Variants in CIB4 observed in about 807,000 individuals in gnomAD.
The protein encoded by CIB4 is calcium and integrin-binding family member 4.
Under a neutral mutation model 25.8 loss-of-function variants are expected in CIB4, and 25 were observed. The observed-to-expected ratio is 0.97, with a 90% CI of 0.71 to 1.35. CIB4 has a LOEUF of 1.35. CIB4 is among the 40% of genes most tolerant of loss of function. CIB4 has a pLI of 0.00. For missense variants in CIB4, 235 were observed against 228.2 expected, an observed-to-expected ratio of 1.03 and a Z score of -0.19; for synonymous variants, 75 against 81.4, an observed-to-expected ratio of 0.92 and a Z score of 0.42.
chr2:26,596,287 A>T (rs1190298239), intron 3 of CIB4, among the ~76,000 whole-genome samples: 4 of 152,192 alleles, frequency 2.6e-5, no homozygotes, highest in Non-Finnish European at 5.9e-5. Context: ...CTGCTCCAGG[A>T]TGGAAAAGAA....
chr2:26,585,454 T>C (rs1393218511), intron 4 of CIB4, among the ~76,000 whole-genome samples: 1 of 152,038 alleles, frequency 6.6e-6, no homozygotes, highest in African/African-American at 2.4e-5. Flanking sequence ...ATGTCCGGCC[T>C]TCTCAGCACC....
At position 26,588,994 on chromosome 2, in the gene CIB4, TTCTTC is replaced by T. The variant is rs1558554543; in HGVS notation, c.329-5101_329-5097del. The stretch of plus-strand genomic sequence containing the variant: ...CGCTTCTTCTTTCTTCTTCTTCTTC[TTCTTC>T]TTCTTCTTCTTCTTCTTCTTCTTCT... On this transcript the variant is annotated intron_variant, in intron 4 of 6. Transcript: ENST00000288861. Among the ~76,000 whole-genome samples the T allele has an allele frequency of 1.2e-3, 10 of 8,214 alleles. 1 individual carries two copies. Among genetic ancestry groups the T allele is most frequent in the African/African-American group, 3.6e-3 (10 of 2,786 alleles). The allele number at this position is 8,214 out of a possible 152,430, so 5.4% of individuals were successfully genotyped here.
chr2:26,634,649 G>C (rs111799859), intron 2 of CIB4, among the ~76,000 whole-genome samples: 43 of 152,308 alleles, frequency 2.8e-4, no homozygotes, highest in African/African-American at 9.9e-4. Flanking sequence ...AAGTGGCAGA[G>C]CTGAGCCTCA....
At chr2:26,632,926 G>T (rs979385391) in intron 2 of CIB4, among the ~76,000 whole-genome samples, 8 of 151,438 alleles carry the variant, frequency 5.3e-5, no homozygotes, top group East Asian at 1.9e-4. Context: ...TAATGTTTTG[G>T]TTTTTTTTTA....
chr2:26,622,969 T>C (rs1490458473), intron 3 of CIB4, among the ~76,000 whole-genome samples: 1 of 151,632 alleles, frequency 6.6e-6, no homozygotes, highest in African/African-American at 2.4e-5. Context: ...GGCAACAGAG[T>C]GAGACTCCAT....
intron 3 of CIB4, among the ~76,000 whole-genome samples, chr2:26,628,541 G>A (rs911347452): frequency 6.6e-6 from 1 of 152,228 alleles, no homozygotes; most frequent in Non-Finnish European, 1.5e-5. Flanking sequence ...AAACTGGGAG[G>A]GAATGAGCAT....
At chr2:26,632,768 AAAAAG>A (rs1669447795) in intron 2 of CIB4, among the ~76,000 whole-genome samples, 2 of 151,744 alleles carry the variant, frequency 1.3e-5, no homozygotes, top group African/African-American at 4.9e-5. Flanking sequence ...AAAAAAAAAA[AAAAAG>A]AAAAAGAAAG....
At position 26,596,791 on chromosome 2, in the gene CIB4, G is replaced by C. The variant is rs945076161; in HGVS notation, c.187-1474C>G. Among the ~76,000 whole-genome samples the C allele has an allele frequency of 7.3e-5, 11 of 151,392 alleles. No homozygotes were observed. The South Asian group carries it at 2.3e-3, about 32-fold the overall frequency. ...AAGCTTATACAGTGATTTGTAATTA[G>C]AAGGAAAGTAAGTATGAAAATCTTC... On this transcript the variant is annotated intron_variant, in intron 3 of 6. Transcript: ENST00000288861.
intron 2 of CIB4, among the ~76,000 whole-genome samples, chr2:26,631,403 G>T (rs376195918): frequency 6.6e-6 from 1 of 152,332 alleles, no homozygotes; most frequent in East Asian, 1.9e-4. Flanking sequence ...GATCCCAGGA[G>T]GTTGAGGCTG....
intron 3 of CIB4, among the ~76,000 whole-genome samples, chr2:26,605,065 C>A (rs1208311267): frequency 6.6e-6 from 1 of 151,880 alleles, no homozygotes; most frequent in African/African-American, 2.4e-5. Context: ...GGATTTAAAG[C>A]ATACAGAAAA....
chr2:26,617,898 A>G (rs1298602213), intron 3 of CIB4, among the ~76,000 whole-genome samples: 2 of 152,198 alleles, frequency 1.3e-5, no homozygotes, highest in African/African-American at 4.8e-5. Context: ...TGGACACGGT[A>G]GAAAATCAGA....
intron 3 of CIB4, among the ~76,000 whole-genome samples, chr2:26,596,997 GAACTC>G (rs1482579214): frequency 3.3e-5 from 5 of 152,114 alleles, no homozygotes; most frequent in Admixed American, 3.3e-4. Context: ...ACCAAAAAAT[GAACTC>G]AATTTCATTT....
At chr2:26,613,740 C>T (rs532904878) in intron 3 of CIB4, among the ~76,000 whole-genome samples, 7 of 152,302 alleles carry the variant, frequency 4.6e-5, no homozygotes, top group Admixed American at 1.3e-4. Context: ...GAGTTGTATC[C>T]GGTGCCTGGC....
chr2:26,597,341 T>C (rs949580341), intron 3 of CIB4, among the ~76,000 whole-genome samples: 7 of 151,644 alleles, frequency 4.6e-5, no homozygotes, highest in African/African-American at 1.7e-4. Flanking sequence ...TTTTAATTGG[T>C]GAATGGGGTT....
chr2:26,589,066 C>CTCT (rs1365384371), intron 4 of CIB4, among the ~76,000 whole-genome samples: 37 of 46,348 alleles, frequency 8.0e-4, no homozygotes, highest in African/African-American at 2.2e-3. Flanking sequence ...CTTCCTCTTC[C>CTCT]TCTTCCTCTT....
At chr2:26,620,125 G>A (rs1242109163) in intron 3 of CIB4, among the ~76,000 whole-genome samples, 1 of 146,070 alleles carries the variant, frequency 6.8e-6, no homozygotes, top group Non-Finnish European at 1.5e-5. Context: ...GAGGAAGCAG[G>A]ACCCTAAGCC....
At chr2:26,596,328 A>T (rs1668682158) in intron 3 of CIB4, among the ~76,000 whole-genome samples, 1 of 152,242 alleles carries the variant, frequency 6.6e-6, no homozygotes, top group Admixed American at 6.5e-5. Flanking sequence ...ATGGTAACAC[A>T]TGCCAAATGA....
chr2:26,586,681 C>T (rs1668459599), intron 4 of CIB4, among the ~76,000 whole-genome samples: 2 of 152,190 alleles, frequency 1.3e-5, no homozygotes, highest in Admixed American at 6.5e-5. Flanking sequence ...CAGGATTAAA[C>T]CCAGGCAGTC....
intron 3 of CIB4, among the ~76,000 whole-genome samples, chr2:26,610,785 T>A (rs1236453595): frequency 6.6e-6 from 1 of 152,060 alleles, no homozygotes; most frequent in Non-Finnish European, 1.5e-5. Flanking sequence ...AAGCAGTCAA[T>A]AGCAGTAAGT....
Sources: allele counts gnomAD v4.1 joint callset (sites outside exome capture counted in the v4.1 genomes callset), GRCh38; gene constraint gnomAD v4.1.1; transcripts MANE v1.5; gene names NCBI Gene and HGNC (gene_info 2026-07-23, HGNC 2026-07-21).